Variants in IREB2 observed in about 807,000 individuals in gnomAD.
IREB2 encodes the protein iron responsive element binding protein 2, also known as iron-responsive element-binding protein 2.
In IREB2, 39 loss-of-function variants were observed where a neutral mutation model predicts 118.8. That is an observed-to-expected ratio of 0.33 (90% CI 0.25 to 0.43). IREB2 has a LOEUF of 0.43. Ranked by LOEUF, IREB2 falls within the 20% of genes least tolerant of loss-of-function variation. The pLI is 1.00. For missense variants in IREB2, 900 were observed against 1,147.3 expected, an observed-to-expected ratio of 0.78 and a Z score of 3.11; for synonymous variants, 372 against 392.2, an observed-to-expected ratio of 0.95 and a Z score of 0.61.
chr15:78,474,285 T>C (rs2141493625), intron 8 of IREB2: 1 of 152,348 alleles, frequency 6.6e-6, no homozygotes, highest in Non-Finnish European at 1.5e-5. Context: ...ACGAAGGCTT[T>C]CCGGATACTC....
intron 2 of IREB2, among the ~76,000 whole-genome samples, chr15:78,454,421 G>A (rs2051073064): frequency 6.6e-6 from 1 of 152,130 alleles, no homozygotes; most frequent in Non-Finnish European, 1.5e-5. Flanking sequence ...AAAAATACAG[G>A]CATAAGAAAC....
intron 3 of IREB2, 58 bp from the exon 4 acceptor site, chr15:78,465,190 ATTT>A: frequency 7.6e-7 from 1 of 1,323,666 alleles, no homozygotes; most frequent in Admixed American, 2.3e-5. Context: ...AAAGTTTATC[ATTT>A]ATTAAGCATG....
chr15:78,443,682 T>C (rs1376664403), intron 2 of IREB2, among the ~76,000 whole-genome samples: 1 of 152,176 alleles, frequency 6.6e-6, no homozygotes, highest in Admixed American at 6.6e-5. Context: ...AGGCTCGCTC[T>C]GTTACCTAGG....
chr15:78,465,150 CAG>C, intron 3 of IREB2, 99 bp from the exon 4 acceptor site: 1 of 895,870 alleles, frequency 1.1e-6, no homozygotes, highest in Non-Finnish European at 1.7e-6. Context: ...GTAAACTAGA[CAG>C]GGATACTTTT....
intron 2 of IREB2, among the ~76,000 whole-genome samples, chr15:78,452,561 G>A (rs1381736537): frequency 2.0e-5 from 3 of 152,100 alleles, no homozygotes; most frequent in African/African-American, 7.2e-5. Context: ...TTAGATATCA[G>A]ATAAAGGAGT....
intron 10 of IREB2, among the ~76,000 whole-genome samples, chr15:78,479,386 T>C (rs1231703129): frequency 6.6e-6 from 1 of 151,516 alleles, no homozygotes; most frequent in African/African-American, 2.4e-5. Flanking sequence ...TGAAGTCTAG[T>C]TGTGGTTTTT....
At position 78,490,756 on chromosome 15, in the gene IREB2, CAG is replaced by C; in HGVS notation, c.2322_2323del (p.Gly775ProfsTer5). ...GTGCTGCCGCTAAGTATTTGACAAA[CAG>C]AGGGTATGTGTACATGGCTTTAGAG... is the stretch of plus-strand genomic sequence containing the variant. ...NSAAAKYLTN[R>X]GLTPREFNSY... is the part of the protein sequence containing the mutation. On this transcript the variant is annotated frameshift_variant, in exon 18 of 22. Transcript: ENST00000258886. LOFTEE classifies it high-confidence loss of function. 1 of 1,613,982 alleles carries C rather than the reference CAG, an allele frequency of 6.2e-7. No individual in the cohort carries two copies. Among genetic ancestry groups the C allele is most frequent in the Non-Finnish European group, 8.5e-7 (1 of 1,179,920 alleles).
intron 9 of IREB2, among the ~76,000 whole-genome samples, chr15:78,477,263 C>T (rs2051487508): frequency 6.6e-6 from 1 of 152,170 alleles, no homozygotes. Context: ...TAGTGGCTTG[C>T]ACAAGCAGTA....
At chr15:78,450,119 G>T (rs1254620244) in intron 2 of IREB2, among the ~76,000 whole-genome samples, 3 of 152,112 alleles carry the variant, frequency 2.0e-5, no homozygotes, top group Admixed American at 6.5e-5. Context: ...TTGAGTACTT[G>T]TATATTTCTA....
chr15:78,454,733 G>T (rs977771617), intron 2 of IREB2, among the ~76,000 whole-genome samples: 5 of 152,112 alleles, frequency 3.3e-5, no homozygotes, highest in Admixed American at 3.3e-4. Context: ...TTACTCTGTC[G>T]CCCAGGCTGG....
At chr15:78,438,654 C>T (rs1200996105) in intron 1 of IREB2, 1 of 486,470 alleles carries the variant, frequency 2.1e-6, no homozygotes, top group Non-Finnish European at 3.7e-6. Flanking sequence ...GGCTTCCTGG[C>T]CCCCGTCAGC....
chr15:78,447,067 C>T (rs868783458), intron 2 of IREB2, among the ~76,000 whole-genome samples: 4 of 152,062 alleles, frequency 2.6e-5, no homozygotes, highest in Non-Finnish European at 5.9e-5. Flanking sequence ...GATCTGAGTG[C>T]GTGGTCAGAT....
chr15:78,440,059 AG>A (rs1478491025), intron 2 of IREB2, among the ~76,000 whole-genome samples, 178 bp downstream of exon 2: 1 of 152,242 alleles, frequency 6.6e-6, no homozygotes, highest in Non-Finnish European at 1.5e-5. Flanking sequence ...GGGAAGATGT[AG>A]GCCCACACCT....
intron 2 of IREB2, among the ~76,000 whole-genome samples, chr15:78,450,819 C>T (rs1478598182): frequency 7.5e-6 from 1 of 133,732 alleles, no homozygotes; most frequent in Non-Finnish European, 1.6e-5. Context: ...GTGATATTAA[C>T]AAATTTGTGT....
intron 16 of IREB2, 79 bp downstream of exon 16, chr15:78,488,850 A>G (rs2051704382): frequency 1.5e-5 from 12 of 793,446 alleles, no homozygotes; most frequent in Non-Finnish European, 2.3e-5. Context: ...TGAATAGAAT[A>G]AAAATTAAAA....
chr15:78,457,164 TC>T (rs1307830438), intron 2 of IREB2, among the ~76,000 whole-genome samples: 4 of 152,176 alleles, frequency 2.6e-5, no homozygotes, highest in East Asian at 1.9e-4. Flanking sequence ...TATGAATAAA[TC>T]ATCTCTGAAC....
In IREB2 at chr15:78,476,238, T is replaced by C; in HGVS notation, c.1074T>C (p.Ser358=). Reference sequence around the variant, plus strand: ...GAAAGTTTGTTGAGTTTTTTGGAAGTGGAGTTTCACAATTATCTATAGTTG... The same window carrying C: ...GAAAGTTTGTTGAGTTTTTTGGAAGCGGAGTTTCACAATTATCTATAGTTG... ...VAGKFVEFFG[S]GVSQLSIVDR... Residue 358 remains serine (S), a synonymous_variant, in exon 9 of 22, where the codon AGT becomes AGC. Coordinates refer to ENST00000258886, the MANE Select transcript of IREB2 (RefSeq NM_004136.4). The C allele has an allele frequency of 5.0e-6, 8 of 1,602,670 alleles. No individual in the cohort carries two copies. Among genetic ancestry groups the C allele is most frequent in the Non-Finnish European group, 6.8e-6 (8 of 1,171,450 alleles).
intron 10 of IREB2, among the ~76,000 whole-genome samples, chr15:78,482,602 C>CGTTT (rs1378418269): frequency 4.6e-5 from 7 of 152,102 alleles, no homozygotes; most frequent in African/African-American, 1.7e-4. Flanking sequence ...GTTTACTAAC[C>CGTTT]GTTTACCTCT....
intron 2 of IREB2, among the ~76,000 whole-genome samples, chr15:78,450,486 G>A (rs2051004542): frequency 6.6e-6 from 1 of 152,208 alleles, no homozygotes; most frequent in Non-Finnish European, 1.5e-5. Context: ...CTGGTCTGGA[G>A]TTGCTGGGTA....
Sources: allele counts gnomAD v4.1 joint callset (sites outside exome capture counted in the v4.1 genomes callset), GRCh38; gene constraint gnomAD v4.1.1; transcripts MANE v1.5; gene names NCBI Gene and HGNC (gene_info 2026-07-23, HGNC 2026-07-21).